TMCO5A: variants seen among roughly 807,000 people sequenced by gnomAD.
The protein encoded by TMCO5A is transmembrane and coiled-coil domains 5A.
Under a neutral mutation model 42.3 loss-of-function variants are expected in TMCO5A, and 34 were observed. The observed-to-expected ratio is 0.80, with a 90% CI of 0.61 to 1.07. The LOEUF (loss-of-function observed/expected upper bound fraction) is 1.07, where lower values mean the gene tolerates loss of function less well. Ranked by LOEUF, TMCO5A falls within the 50% of genes least tolerant of loss-of-function variation. TMCO5A has a pLI of 0.00. For synonymous variants in TMCO5A, 131 were observed against 115.6 expected, an observed-to-expected ratio of 1.13 and a Z score of -0.86; for missense variants, 357 against 327.9, an observed-to-expected ratio of 1.09 and a Z score of -0.69.
At chr15:37,980,419 G>GT in the TMCO5A span, among the ~76,000 whole-genome samples, 1 of 152,158 alleles carries the variant, frequency 6.6e-6, no homozygotes, top group Admixed American at 6.5e-5. Context: ...TTTCCCGGCA[G>GT]TGGGGAGCCT....
the TMCO5A span, among the ~76,000 whole-genome samples, chr15:38,034,938 G>C: frequency 6.6e-6 from 1 of 151,960 alleles, no homozygotes; most frequent in East Asian, 1.9e-4. Flanking sequence ...CATGTTCCAG[G>C]TACCCAGGAT....
At chr15:37,965,425 T>C (rs562475378) in intron 11 of TMCO5A, among the ~76,000 whole-genome samples, 1 of 152,224 alleles carries the variant, frequency 6.6e-6, no homozygotes, top group African/African-American at 2.4e-5. Flanking sequence ...CATCAAGCTA[T>C]AAAGCTTCTG....
the TMCO5A span, among the ~76,000 whole-genome samples, chr15:37,974,904 G>A: frequency 1.5e-4 from 23 of 152,204 alleles, no homozygotes; most frequent in Middle Eastern, 6.8e-3. Flanking sequence ...TCTAAACACT[G>A]CTATAGCTGT....
chr15:37,986,834 C>A, the TMCO5A span, among the ~76,000 whole-genome samples: 3 of 152,084 alleles, frequency 2.0e-5, no homozygotes, highest in East Asian at 5.8e-4. Context: ...GTTGCTTCCA[C>A]ATTTTAGCTA....
the TMCO5A span, among the ~76,000 whole-genome samples, chr15:38,033,559 ATT>A: frequency 6.9e-6 from 1 of 145,390 alleles, no homozygotes; most frequent in African/African-American, 2.5e-5. Flanking sequence ...TTCTCCCTCC[ATT>A]TTTTTTTTGT....
chr15:38,028,160 A>T, the TMCO5A span, among the ~76,000 whole-genome samples: 1 of 150,880 alleles, frequency 6.6e-6, no homozygotes, highest in African/African-American at 2.5e-5. Context: ...GCTGCTTATT[A>T]TAACATAGTA....
At chr15:37,943,704 C>T (rs934510434) in intron 10 of TMCO5A, 9 of 284,230 alleles carry the variant, frequency 3.2e-5, no homozygotes, top group African/African-American at 4.4e-5. Flanking sequence ...AGAAAGAGGC[C>T]AATATAGGGC....
intron 3 of TMCO5A, among the ~76,000 whole-genome samples, 184 bp downstream of exon 3, chr15:37,936,647 A>G (rs1449499711): frequency 6.6e-6 from 1 of 152,140 alleles, no homozygotes; most frequent in African/African-American, 2.4e-5. Context: ...GATTCCTAAA[A>G]GATGGAGTTG....
At chr15:37,971,439 G>C (rs960746153), downstream of TMCO5A, among the ~76,000 whole-genome samples, 1 of 152,154 alleles carries the variant, frequency 6.6e-6, no homozygotes, top group Non-Finnish European at 1.5e-5. Context: ...TGATTGGAGG[G>C]GCTGCCATGA....
intron 6 of TMCO5A, among the ~76,000 whole-genome samples, chr15:37,940,948 G>C (rs1415058848): frequency 1.3e-5 from 2 of 152,094 alleles, no homozygotes; most frequent in Non-Finnish European, 1.5e-5. Flanking sequence ...ACCAGATGAA[G>C]ACTAAAAGGT....
chr15:37,998,409 T>G, the TMCO5A span, among the ~76,000 whole-genome samples: 1 of 152,322 alleles, frequency 6.6e-6, no homozygotes, highest in East Asian at 1.9e-4. Flanking sequence ...GTTTTATTCT[T>G]CTGAACATGG....
At chr15:37,992,415 C>A in the TMCO5A span, among the ~76,000 whole-genome samples, 35,621 of 151,764 alleles carry the variant, frequency 0.23, 9,387 homozygotes, top group African/African-American at 0.65. Context: ...AAATTAGTTC[C>A]ACCGTTGTGG....
At chr15:37,964,755 A>G (rs1890517270) in intron 11 of TMCO5A, among the ~76,000 whole-genome samples, 1 of 152,206 alleles carries the variant, frequency 6.6e-6, no homozygotes, top group Non-Finnish European at 1.5e-5. Flanking sequence ...GATGAAAGAA[A>G]TTGAAGAGGA....
chr15:37,984,548 T>G, the TMCO5A span, among the ~76,000 whole-genome samples: 1 of 152,190 alleles, frequency 6.6e-6, no homozygotes. Context: ...GTTGACTGGT[T>G]GTTATGGTTT....
At chr15:37,979,912 C>A in the TMCO5A span, among the ~76,000 whole-genome samples, 5 of 151,808 alleles carry the variant, frequency 3.3e-5, no homozygotes, top group Non-Finnish European at 7.4e-5. Flanking sequence ...AACAGTCTGG[C>A]CACTTTTTCA....
chr15:37,945,267 A>G (rs766698604), intron 10 of TMCO5A, among the ~76,000 whole-genome samples: 1 of 152,106 alleles, frequency 6.6e-6, no homozygotes, highest in Non-Finnish European at 1.5e-5. Context: ...TTCTTTATCC[A>G]GTCTATCATT....
chr15:37,986,608 C>A, the TMCO5A span, among the ~76,000 whole-genome samples: 1 of 151,892 alleles, frequency 6.6e-6, no homozygotes, highest in African/African-American at 2.4e-5. Context: ...AACAATATCT[C>A]CCCATTTCTC....
chr15:37,961,646 A>G (rs1023964793), intron 11 of TMCO5A, among the ~76,000 whole-genome samples: 1 of 152,048 alleles, frequency 6.6e-6, no homozygotes, highest in Non-Finnish European at 1.5e-5. Flanking sequence ...TTTTCACAAT[A>G]TTGATTCTAC....
chr15:37,943,639 C>T, intron 10 of TMCO5A: 1 of 470,670 alleles, frequency 2.1e-6, no homozygotes, highest in East Asian at 3.7e-5. Flanking sequence ...AGCCGAAGAC[C>T]TAAGAGAACT....
Sources: gnomAD v4.1 joint callset for allele counts (sites outside exome capture counted in the v4.1 genomes callset) on GRCh38, gnomAD v4.1.1 for gene constraint, MANE v1.5 for transcripts, NCBI Gene and HGNC (gene_info 2026-07-23, HGNC 2026-07-21) for gene names.